The following PGM1 variants were observed in gnomAD, a reference collection of about 807,000 sequenced individuals.
PGM1 encodes phosphoglucomutase-1.
Under a neutral mutation model 55.6 loss-of-function variants are expected in PGM1, and 52 were observed. That is an observed-to-expected ratio of 0.94 (90% CI 0.75 to 1.18). PGM1 has a LOEUF of 1.18. Ranked by LOEUF, PGM1 falls within the 50% of genes most tolerant of loss-of-function variation. The probability of loss-of-function intolerance (pLI) is 0.00; values close to 1 mark genes in which losing one functional copy is unlikely to be tolerated. For missense variants in PGM1, 724 were observed against 729.3 expected (o/e 0.99, Z 0.08); for synonymous variants, 287 against 271.7 (o/e 1.06, Z -0.55).
intron 1 of PGM1, among the ~76,000 whole-genome samples, chr1:63,603,260 C>T (rs1201583075): frequency 6.6e-6 from 1 of 152,230 alleles, no homozygotes; most frequent in Non-Finnish European, 1.5e-5. Context: ...TGGGAACTGC[C>T]CCCACTCTTC....
chr1:63,630,524 G>T (rs976425547), intron 3 of PGM1, among the ~76,000 whole-genome samples: 4 of 152,194 alleles, frequency 2.6e-5, no homozygotes, highest in Admixed American at 1.3e-4. Flanking sequence ...TTAAGTAACA[G>T]GCTCAAGGTC....
At chr1:63,639,490 C>T (rs192437557) in intron 7 of PGM1, among the ~76,000 whole-genome samples, 1 of 152,002 alleles carries the variant, frequency 6.6e-6, no homozygotes, top group East Asian at 2.0e-4. Flanking sequence ...ACCTCCTTCA[C>T]GACCTTCTCT....
chr1:63,596,420 C>A (rs984029144), intron 1 of PGM1, among the ~76,000 whole-genome samples: 1 of 151,888 alleles, frequency 6.6e-6, no homozygotes, highest in East Asian at 1.9e-4. Context: ...CCACACCTGG[C>A]TAATTTTTAT....
rs191804340 is a variant in PGM1, at chr1:63,623,106, A to T, written c.247-6319A>T. ...TCAGCCACCTGGTGTTTACAGCTGA[A>T]GTTGGCTGCATGCAGCACTCCTTGG... On this transcript the variant is annotated intron_variant, in intron 1 of 10. Coordinates refer to ENST00000371084, the MANE Select transcript of PGM1 (RefSeq NM_002633.3). 8.9e-5 allele frequency: 47 copies of T among 529,426 alleles called. No individual in the cohort carries two copies. The East Asian group carries it at 3.3e-3, about 38-fold the overall frequency. 32.8% of individuals were successfully genotyped at this position (529,426 alleles called of 1,614,324 possible).
At chr1:63,627,833 C>G (rs1473390935) in intron 1 of PGM1, among the ~76,000 whole-genome samples, 1 of 152,104 alleles carries the variant, frequency 6.6e-6, no homozygotes, top group Non-Finnish European at 1.5e-5. Context: ...TGGAACTGCC[C>G]GAACATAGGC....
At chr1:63,634,310 T>C (rs1170016796) in intron 4 of PGM1, among the ~76,000 whole-genome samples, 1 of 152,152 alleles carries the variant, frequency 6.6e-6, no homozygotes, top group East Asian at 1.9e-4. Context: ...ATTAACTCAT[T>C]TAATCCTTAC....
At chr1:63,652,204 T>G (rs922052012) in intron 9 of PGM1, among the ~76,000 whole-genome samples, 7 of 152,244 alleles carry the variant, frequency 4.6e-5, no homozygotes, top group African/African-American at 1.4e-4. Flanking sequence ...CTGTGGGAAC[T>G]TAGATGTCAA....
intron 1 of PGM1, among the ~76,000 whole-genome samples, chr1:63,616,533 C>T (rs952409227): frequency 2.0e-5 from 3 of 152,162 alleles, no homozygotes; most frequent in African/African-American, 7.2e-5. Flanking sequence ...ATCTATCTCT[C>T]CTTCTGCACC....
chr1:63,618,956 A>G (rs1557708079), intron 1 of PGM1, among the ~76,000 whole-genome samples: 1 of 152,188 alleles, frequency 6.6e-6, no homozygotes, highest in East Asian at 1.9e-4. Context: ...AGATGTATGA[A>G]TGATCCCGAG....
At chr1:63,610,637 G>T (rs1270886843) in intron 1 of PGM1, among the ~76,000 whole-genome samples, 2 of 152,038 alleles carry the variant, frequency 1.3e-5, no homozygotes, top group African/African-American at 4.8e-5. Flanking sequence ...AAGGTTTCCC[G>T]GCCATTACCC....
chr1:63,636,289 T>A lies in PGM1; in HGVS notation c.929T>A (p.Val310Glu), dbSNP rs369532292. ...HGFFVNPSDSVAVIAANIFSI... is the reference protein window; with the variant it reads ...HGFFVNPSDSEAVIAANIFSI... ...TTCTTTGTGAACCCTTCAGACTCTG[T>A]GGCTGTCATTGCTGCCAACATCTTC... The change falls in exon 6 of 11, where the codon GTG becomes GAG. Residue 310 changes from valine (V) to glutamate (E), a missense_variant. Coordinates refer to ENST00000371084, the MANE Select transcript of PGM1 (RefSeq NM_002633.3). 2 of 1,614,074 alleles carry A rather than the reference T, an allele frequency of 1.2e-6. No individual in the cohort carries two copies. The highest frequency in any genetic ancestry group is 2.7e-5 in the African/African-American group (2 of 74,952).
chr1:63,624,970 A>G (rs972570120), intron 1 of PGM1, among the ~76,000 whole-genome samples: 1 of 152,234 alleles, frequency 6.6e-6, no homozygotes, highest in African/African-American at 2.4e-5. Flanking sequence ...AAGCATACAC[A>G]TTTTTAAGAT....
chr1:63,648,734 T>G, intron 8 of PGM1, 82 bp downstream of exon 8: 1 of 1,441,556 alleles, frequency 6.9e-7, no homozygotes, highest in Non-Finnish European at 9.7e-7. Flanking sequence ...GCCTCTCCTG[T>G]CTTAAGTGCT....
At chr1:63,627,059 C>T (rs892355087) in intron 1 of PGM1, among the ~76,000 whole-genome samples, 2 of 124,546 alleles carry the variant, frequency 1.6e-5, no homozygotes, top group African/African-American at 3.1e-5. Context: ...CAGGACCCCC[C>T]CCCCCCCACA....
chr1:63,602,162 G>T (rs936726228), intron 1 of PGM1, among the ~76,000 whole-genome samples: 11 of 152,150 alleles, frequency 7.2e-5, no homozygotes, highest in Non-Finnish European at 1.5e-5. Context: ...TAGTTCTGGG[G>T]ATTGTTATAA....
intron 7 of PGM1, among the ~76,000 whole-genome samples, chr1:63,646,608 C>G (rs1192845086): frequency 6.6e-6 from 1 of 152,106 alleles, no homozygotes; most frequent in East Asian, 1.9e-4. Context: ...AATTGATGTC[C>G]AGAAGGATTG....
At chr1:63,611,913 A>G (rs1007302144) in intron 1 of PGM1, among the ~76,000 whole-genome samples, 4 of 151,904 alleles carry the variant, frequency 2.6e-5, no homozygotes, top group Admixed American at 2.6e-4. Context: ...AGAAAATGCT[A>G]TTTGTAAGGA....
intron 1 of PGM1, among the ~76,000 whole-genome samples, chr1:63,627,703 G>A (rs1417935866): frequency 6.6e-6 from 1 of 152,056 alleles, no homozygotes; most frequent in African/African-American, 2.4e-5. Flanking sequence ...GACATGGGTG[G>A]TGTAGCTTAA....
chr1:63,619,251 C>G (rs1246506308), intron 1 of PGM1, among the ~76,000 whole-genome samples: 1 of 152,172 alleles, frequency 6.6e-6, no homozygotes, highest in Non-Finnish European at 1.5e-5. Context: ...GGCCTTCACT[C>G]TCATGGAATA....
Sources: allele counts gnomAD v4.1 joint callset (sites outside exome capture counted in the v4.1 genomes callset), GRCh38; gene constraint gnomAD v4.1.1; transcripts MANE v1.5; gene names NCBI Gene and HGNC (gene_info 2026-07-23, HGNC 2026-07-21).